The following OSBPL1A variants were observed in gnomAD, a reference collection of about 807,000 sequenced individuals.
The protein encoded by OSBPL1A is oxysterol-binding protein-related protein 1.
A neutral mutation model predicts 137.1 loss-of-function variants in OSBPL1A; 80 were observed. The observed-to-expected ratio is 0.58, with a 90% CI of 0.49 to 0.70. OSBPL1A has a LOEUF of 0.70. Ranked by LOEUF, OSBPL1A falls within the 30% of genes least tolerant of loss-of-function variation. The probability of loss-of-function intolerance (pLI) is 0.00; values close to 1 mark genes in which losing one functional copy is unlikely to be tolerated. For missense variants in OSBPL1A, 970 were observed against 1,129.4 expected, an observed-to-expected ratio of 0.86 and a Z score of 2.02; for synonymous variants, 365 against 389.7, an observed-to-expected ratio of 0.94 and a Z score of 0.75.
At chr18:24,307,300 A>G (rs1282008722) in intron 13 of OSBPL1A, among the ~76,000 whole-genome samples, 1 of 152,002 alleles carries the variant, frequency 6.6e-6, no homozygotes, top group Non-Finnish European at 1.5e-5. Flanking sequence ...AAAAAATAAT[A>G]ACCCATACTC....
chr18:24,247,414 G>A (rs2088930636), intron 15 of OSBPL1A, among the ~76,000 whole-genome samples: 1 of 152,196 alleles, frequency 6.6e-6, no homozygotes, highest in Non-Finnish European at 1.5e-5. Flanking sequence ...TGGGTCAAGA[G>A]AGATAAGAGA....
chr18:24,365,694 C>T (rs565567169), intron 4 of OSBPL1A, among the ~76,000 whole-genome samples: 10 of 152,156 alleles, frequency 6.6e-5, no homozygotes, highest in Non-Finnish European at 1.3e-4. Context: ...TATAAACAGG[C>T]ATGAGGAAAC....
intron 15 of OSBPL1A, among the ~76,000 whole-genome samples, chr18:24,262,254 C>T (rs1460537919): frequency 6.6e-6 from 1 of 152,184 alleles, no homozygotes; most frequent in East Asian, 1.9e-4. Flanking sequence ...TCTCAGATGT[C>T]TGGTATGGGA....
intron 20 of OSBPL1A, 91 bp from the exon 21 acceptor site, chr18:24,178,286 T>A: frequency 8.5e-7 from 1 of 1,181,182 alleles, no homozygotes; most frequent in Non-Finnish European, 1.2e-6. Flanking sequence ...CCTTTCAAAG[T>A]AAACAATTCT....
intron 4 of OSBPL1A, among the ~76,000 whole-genome samples, chr18:24,365,578 G>A (rs990978675): frequency 2.7e-5 from 4 of 149,286 alleles, no homozygotes; most frequent in East Asian, 1.9e-4. Context: ...AGCAAGACTC[G>A]GTCTCAAAAA....
chr18:24,316,767 T>A (rs973132884), intron 11 of OSBPL1A, among the ~76,000 whole-genome samples: 6 of 152,126 alleles, frequency 3.9e-5, no homozygotes, highest in Non-Finnish European at 1.5e-5. Flanking sequence ...ATGACTGAAT[T>A]AATATTGATA....
In OSBPL1A at chr18:24,206,022, C is replaced by T. The variant is rs189218138; in HGVS notation, c.1602-9822G>A. ...TCTCCTGCCTCAGCCTCCCAAGTAG[C>T]TGGGACTACAGGCATGTGCCACCGT... On this transcript the variant is annotated intron_variant, in intron 17 of 27. Transcript: ENST00000319481. Among the ~76,000 whole-genome samples the T allele has an allele frequency of 7.8e-4, 119 of 152,278 alleles. 1 individual carries two copies. Among genetic ancestry groups the T allele is most frequent in the African/African-American group, 2.7e-3 (111 of 41,558 alleles).
At chr18:24,316,232 G>A (rs1174757959) in intron 11 of OSBPL1A, among the ~76,000 whole-genome samples, 1 of 152,014 alleles carries the variant, frequency 6.6e-6, no homozygotes, top group East Asian at 1.9e-4. Context: ...CTGCCCTCCA[G>A]CCTGGGAGAC....
At chr18:24,181,014 G>C in intron 19 of OSBPL1A, 131 bp downstream of exon 19, 2 of 1,092,460 alleles carry the variant, frequency 1.8e-6, no homozygotes, top group Admixed American at 2.6e-5. Context: ...CCAGACATGC[G>C]GACTGAGCTT....
At chr18:24,251,862 T>C (rs2089108472) in intron 15 of OSBPL1A, among the ~76,000 whole-genome samples, 2 of 152,058 alleles carry the variant, frequency 1.3e-5, no homozygotes, top group Non-Finnish European at 2.9e-5. Flanking sequence ...TCAGATAAAT[T>C]TAACCAAGAG....
chr18:24,280,388 C>A (rs973303024), intron 15 of OSBPL1A, among the ~76,000 whole-genome samples: 4 of 152,158 alleles, frequency 2.6e-5, no homozygotes, highest in Non-Finnish European at 5.9e-5. Flanking sequence ...AGCCCTTACT[C>A]ATATTTAGAA....
chr18:24,315,102 C>T (rs2090694565), intron 11 of OSBPL1A, among the ~76,000 whole-genome samples: 1 of 152,156 alleles, frequency 6.6e-6, no homozygotes, highest in South Asian at 2.1e-4. Flanking sequence ...AGCTGACAGA[C>T]TCCGATGGGA....
intron 4 of OSBPL1A, among the ~76,000 whole-genome samples, chr18:24,353,407 G>C (rs112305659): frequency 0.063 from 9,638 of 152,080 alleles, 375 homozygotes; most frequent in Middle Eastern, 0.095. Context: ...TCATTAAAAA[G>C]TCAGGAAACA....
chr18:24,197,967 T>C lies in OSBPL1A; in HGVS notation c.1602-1767A>G, dbSNP rs1444866360. ...ATGCCCGGCTAATTTTTTGTATTTT[T>C]AGTAGAGACGGGGTTTCACCATGTT... is the stretch of plus-strand genomic sequence containing the variant. On this transcript the variant is annotated intron_variant, in intron 17 of 27. Coordinates refer to ENST00000319481, the MANE Select transcript of OSBPL1A (RefSeq NM_080597.4). Among the ~76,000 whole-genome samples, 7 of 152,030 alleles carry C rather than the reference T, an allele frequency of 4.6e-5. No homozygotes were observed. The East Asian group carries it at 1.4e-3, about 29-fold the overall frequency.
chr18:24,290,498 C>T (rs201268901), intron 14 of OSBPL1A, among the ~76,000 whole-genome samples: 2 of 151,970 alleles, frequency 1.3e-5, no homozygotes, highest in South Asian at 2.1e-4. Flanking sequence ...CTGGGCGACA[C>T]GATAAAACCC....
rs2091272805 is a variant in OSBPL1A at position 24,341,534 on chromosome 18, C to G, written c.394+13G>C. The G allele has an allele frequency of 6.3e-7, 1 of 1,587,534 alleles. No individual in the cohort carries two copies. ...AAGTAAATGCTGTTTATGTTCACAT[C>G]CATGATATTTACCTTCAAGCATGCT... On this transcript the variant is annotated intron_variant, in intron 5 of 27. Transcript: ENST00000319481.
rs2086552085 is a variant in OSBPL1A at position 24,179,842 on chromosome 18, G to A, written c.1813-7C>T. The A allele has an allele frequency of 6.2e-7, 1 of 1,612,140 alleles. No individual in the cohort carries two copies. On this transcript the variant is annotated splice_region_variant and splice_polypyrimidine_tract_variant and intron_variant, in intron 19 of 27. Coordinates refer to ENST00000319481, the MANE Select transcript of OSBPL1A (RefSeq NM_080597.4). ...CAGCAAACGCAGCTACACACTGTGG[G>A]ACAGAGCATGAGAACAAGTCAAAAA...
chr18:24,314,417 TA>T, intron 11 of OSBPL1A, 70 bp from the exon 12 acceptor site: 1 of 1,046,572 alleles, frequency 9.6e-7, no homozygotes, highest in Non-Finnish European at 1.4e-6. Context: ...TATCTATACA[TA>T]AAATTTAAAG....
At chr18:24,233,641 T>C (rs112010122) in intron 16 of OSBPL1A, among the ~76,000 whole-genome samples, 1 of 151,568 alleles carries the variant, frequency 6.6e-6, no homozygotes, top group Non-Finnish European at 1.5e-5. Flanking sequence ...CTTTCTCTCT[T>C]TCTCTCTCTC....
Sources: allele counts gnomAD v4.1 joint callset (sites outside exome capture counted in the v4.1 genomes callset), GRCh38; gene constraint gnomAD v4.1.1; transcripts MANE v1.5; gene names NCBI Gene and HGNC (gene_info 2026-07-23, HGNC 2026-07-21).